Variants in LINGO2 observed in about 807,000 individuals in gnomAD.
LINGO2 encodes the protein leucine-rich repeat and immunoglobulin-like domain-containing nogo receptor-interacting protein 2.
Under a neutral mutation model 30.6 loss-of-function variants are expected in LINGO2, and 14 were observed. The observed-to-expected ratio is 0.46, with a 90% CI of 0.30 to 0.72. LINGO2 has a LOEUF of 0.72. Among genes scored for constraint, LINGO2 ranks in the 30% least tolerant of loss-of-function variants. The probability of loss-of-function intolerance (pLI) is 0.07; values close to 1 mark genes in which losing one functional copy is unlikely to be tolerated. For synonymous variants in LINGO2, 317 were observed against 288.5 expected (o/e 1.10, Z -1.00); for missense variants, 729 against 751.7 (o/e 0.97, Z 0.35).
intron 1 of LINGO2, among the ~76,000 whole-genome samples, chr9:28,589,131 G>C (rs1366555158): frequency 6.6e-6 from 1 of 152,002 alleles, no homozygotes; most frequent in Non-Finnish European, 1.5e-5. Context: ...CAATAAATTA[G>C]GTATTGATGG....
chr9:28,056,016 G>A (rs550345940), intron 4 of LINGO2, among the ~76,000 whole-genome samples: 10 of 152,068 alleles, frequency 6.6e-5, no homozygotes, highest in Non-Finnish European at 1.0e-4. Flanking sequence ...AAAGAACATA[G>A]AAATGAAAAC....
chr9:28,232,751 C>T (rs1214208736), intron 4 of LINGO2, among the ~76,000 whole-genome samples: 1 of 151,690 alleles, frequency 6.6e-6, no homozygotes, highest in Non-Finnish European at 1.5e-5. Context: ...CCTTGGACCA[C>T]CATTTCCCTA....
chr9:28,802,333 A>C, the LINGO2 span, among the ~76,000 whole-genome samples: 71 of 152,030 alleles, frequency 4.7e-4, no homozygotes, highest in African/African-American at 1.7e-3. Flanking sequence ...AAGAAAAGTT[A>C]GGGATAGATT....
At chr9:29,091,969 T>C in the LINGO2 span, among the ~76,000 whole-genome samples, 2 of 152,058 alleles carry the variant, frequency 1.3e-5, no homozygotes, top group Admixed American at 1.3e-4. Flanking sequence ...TATGTGGTCC[T>C]AAATAGATAT....
At chr9:28,170,254 T>G (rs899238621) in intron 4 of LINGO2, among the ~76,000 whole-genome samples, 1 of 152,198 alleles carries the variant, frequency 6.6e-6, no homozygotes, top group Non-Finnish European at 1.5e-5. Flanking sequence ...AGACACTACA[T>G]GACATTGTTC....
At chr9:28,219,193 T>G (rs1486990302) in intron 4 of LINGO2, among the ~76,000 whole-genome samples, 1 of 152,176 alleles carries the variant, frequency 6.6e-6, no homozygotes, top group East Asian at 1.9e-4. Context: ...AGTTAAGAAG[T>G]ATTTGTGGAT....
At chr9:27,964,094 T>C (rs1396996039) in intron 5 of LINGO2, among the ~76,000 whole-genome samples, 1 of 152,072 alleles carries the variant, frequency 6.6e-6, no homozygotes, top group African/African-American at 2.4e-5. Flanking sequence ...TCCAAACCAT[T>C]GCATTTTTAC....
At chr9:28,736,236 T>C in the LINGO2 span, among the ~76,000 whole-genome samples, 1 of 152,140 alleles carries the variant, frequency 6.6e-6, no homozygotes, top group African/African-American at 2.4e-5. Flanking sequence ...GAGAGGCCAA[T>C]GGACTCACCC....
intron 4 of LINGO2, among the ~76,000 whole-genome samples, chr9:28,087,762 A>G (rs181420341): frequency 5.9e-5 from 9 of 152,144 alleles, no homozygotes; most frequent in Admixed American, 5.9e-4. Context: ...TCTTATGGGA[A>G]TTAGCATTTC....
intron 2 of LINGO2, among the ~76,000 whole-genome samples, chr9:28,409,332 C>T (rs1330114176): frequency 6.6e-6 from 1 of 152,104 alleles, no homozygotes; most frequent in Non-Finnish European, 1.5e-5. Context: ...ACCCACTTCA[C>T]ATTTCCTTTA....
rs537400767 is a variant in LINGO2 at position 28,394,332 on chromosome 9, G to C, written c.-278-21464C>G. 1.3e-4 allele frequency among the ~76,000 whole-genome samples: 20 copies of C among 152,250 alleles called. No individual in the cohort carries two copies. The East Asian group carries it at 3.7e-3, about 28-fold the overall frequency. On this transcript the variant is annotated intron_variant, in intron 2 of 5. Coordinates refer to ENST00000379992, the Ensembl canonical transcript of LINGO2. ...CTGAAGGCAAGAGATATGAAACGTA[G>C]TTACTGCTTACAAAGCAAATGGGGA... is the stretch of plus-strand genomic sequence containing the variant.
intron 4 of LINGO2, among the ~76,000 whole-genome samples, chr9:28,058,007 AG>A (rs1825013278): frequency 6.6e-6 from 1 of 152,100 alleles, no homozygotes; most frequent in East Asian, 1.9e-4. Flanking sequence ...GTTACTTTGA[AG>A]CCAAAACCAT....
the LINGO2 span, among the ~76,000 whole-genome samples, chr9:28,973,919 G>C: frequency 1.3e-5 from 2 of 152,088 alleles, no homozygotes; most frequent in Non-Finnish European, 2.9e-5. Flanking sequence ...CAGAAGAAAC[G>C]AACATTAATG....
intron 5 of LINGO2, among the ~76,000 whole-genome samples, chr9:27,986,457 C>T (rs1204563551): frequency 6.6e-5 from 10 of 151,858 alleles, no homozygotes; most frequent in Non-Finnish European, 1.5e-5. Flanking sequence ...TAGTACTCTC[C>T]GGTTATATAC....
intron 5 of LINGO2, among the ~76,000 whole-genome samples, chr9:27,990,610 G>C (rs187417017): frequency 2.4e-4 from 36 of 152,034 alleles, no homozygotes; most frequent in African/African-American, 7.7e-4. Context: ...ATCAAAATGA[G>C]TCTTTTTAAC....
the LINGO2 span, among the ~76,000 whole-genome samples, chr9:28,884,977 TATA>T: frequency 1.7e-4 from 2 of 11,806 alleles, no homozygotes; most frequent in African/African-American, 5.6e-4. Flanking sequence ...ATATAATATA[TATA>T]ATATATAATA....
intron 1 of LINGO2, among the ~76,000 whole-genome samples, chr9:28,657,764 A>T (rs534553397): frequency 6.6e-6 from 1 of 151,722 alleles, no homozygotes; most frequent in Admixed American, 6.6e-5. Context: ...TTTCTGTTGT[A>T]ATATTTATTA....
intron 4 of LINGO2, among the ~76,000 whole-genome samples, chr9:28,145,756 A>G (rs1373428664): frequency 6.6e-6 from 1 of 152,074 alleles, no homozygotes; most frequent in African/African-American, 2.4e-5. Context: ...TTCTTTACAC[A>G]GTTTTTATAC....
chr9:28,730,094 G>A, the LINGO2 span, among the ~76,000 whole-genome samples: 30 of 152,024 alleles, frequency 2.0e-4, no homozygotes, highest in African/African-American at 7.0e-4. Flanking sequence ...GAAAAAAAGA[G>A]ATTTTCAGAC....
Sources: gnomAD v4.1 joint callset for allele counts (sites outside exome capture counted in the v4.1 genomes callset) on GRCh38, gnomAD v4.1.1 for gene constraint, MANE v1.5 for transcripts, NCBI Gene and HGNC (gene_info 2026-07-23, HGNC 2026-07-21) for gene names.